The following KIRREL3 variants were observed in gnomAD, a reference collection of about 807,000 sequenced individuals.
KIRREL3 encodes kin of IRRE-like protein 3.
A neutral mutation model predicts 89.7 loss-of-function variants in KIRREL3; 36 were observed. The ratio of observed to expected loss-of-function variants is 0.40; its 90% CI spans 0.31 to 0.53. The LOEUF (loss-of-function observed/expected upper bound fraction) is 0.53. KIRREL3 is among the 20% of genes least tolerant of loss of function. The probability of loss-of-function intolerance (pLI) is 0.49; values close to 1 mark genes in which losing one functional copy is unlikely to be tolerated. For missense variants in KIRREL3, 864 were observed against 1,056.6 expected (o/e 0.82, Z 2.53); for synonymous variants, 445 against 441.4 (o/e 1.01, Z -0.10).
At position 126,431,443 on chromosome 11, in the gene KIRREL3, A is replaced by T. The variant is rs759576435; in HGVS notation, c.1672T>A (p.Phe558Ile). The T allele has an allele frequency of 6.2e-7, 1 of 1,613,958 alleles. No individual in the cohort carries two copies. The highest frequency in any genetic ancestry group is 1.1e-5 in the South Asian group (1 of 91,082). Reference protein sequence around the residue: ...FLVLMATIVAFCCARSQRNLK... With the variant: ...FLVLMATIVAICCARSQRNLK... ...CTTCTCTGGGAACGGGCACAGCAGA[A>T]CGCCACGATGGTTGCCATAAGGACG... The change falls in exon 14 of 17, where the codon TTC (phenylalanine) becomes ATC (isoleucine). Residue 558 changes from phenylalanine to isoleucine, a missense_variant. Physicochemically the swap from Phe to Ile is conservative, Grantham distance 21. Coordinates refer to ENST00000525144, the MANE Select transcript of KIRREL3 (RefSeq NM_032531.4). The surrounding 1 kb of genome is among the most constrained non-coding windows in gnomAD (Gnocchi z 7.1).
chr11:126,902,920 T>G (rs186021770), intron 1 of KIRREL3, among the ~76,000 whole-genome samples: 2 of 152,328 alleles, frequency 1.3e-5, no homozygotes, highest in South Asian at 2.1e-4. Context: ...GAGATCCAGA[T>G]AGCAAAATGC....
At position 126,463,372 on chromosome 11, in the gene KIRREL3, TG is replaced by T. The variant is rs1219280719; in HGVS notation, c.592-66del. 8.5e-6 allele frequency: 13 copies of T among 1,533,614 alleles called. No individual in the cohort carries two copies. The highest frequency in any genetic ancestry group is 1.8e-5 in the Admixed American group (1 of 55,204). ...CTTGGCTGGGGTGGCCAGCCTGGGT[TG>T]GGGGTAAACGAGCACCAGCTTAGAC... is the stretch of plus-strand genomic sequence containing the variant. On this transcript the variant is annotated intron_variant, in intron 5 of 16. Coordinates refer to ENST00000525144, the MANE Select transcript of KIRREL3 (RefSeq NM_032531.4). This position sits in a 1 kb window ranked among gnomAD's most constrained non-coding sequence, Gnocchi z 5.9.
Position 126,724,005 on chromosome 11 carries a change from C to A in KIRREL3, c.56-161093G>T, listed in dbSNP as rs1168586464. Reference sequence around the variant, plus strand: ...CCATGATGATTAAAAGAAGTGTAGGCAGCTCCAAGGCCACACATGAAAAGA... The same window carrying A: ...CCATGATGATTAAAAGAAGTGTAGGAAGCTCCAAGGCCACACATGAAAAGA... On this transcript the variant is annotated intron_variant, in intron 1 of 16. Transcript: ENST00000525144. This position sits in a 1 kb window ranked among gnomAD's most constrained non-coding sequence, Gnocchi z 4.3. Among the ~76,000 whole-genome samples, 2 of 152,172 alleles carry A rather than the reference C, an allele frequency of 1.3e-5. No individual in the cohort carries two copies. Among genetic ancestry groups the A allele is most frequent in the African/African-American group, 4.8e-5 (2 of 41,434 alleles).
rs1053566179 is a variant in KIRREL3 at position 126,817,407 on chromosome 11, C to T, written c.55+183048G>A. The stretch of plus-strand genomic sequence containing the variant: ...TAGCTGGCATGCTGGCCATGGGATG[C>T]GAGTGACTGAGGGCTTCAGCTTCCT... On this transcript the variant is annotated intron_variant, in intron 1 of 16. Transcript: ENST00000525144. The surrounding 1 kb of genome is among the most constrained non-coding windows in gnomAD (Gnocchi z 5.7). 3.9e-5 allele frequency among the ~76,000 whole-genome samples: 6 copies of T among 152,124 alleles called. No individual in the cohort carries two copies. Among genetic ancestry groups the T allele is most frequent in the Non-Finnish European group, 7.4e-5 (5 of 68,026 alleles).
At chr11:126,753,733 A>C (rs931894551) in intron 1 of KIRREL3, among the ~76,000 whole-genome samples, 4 of 152,170 alleles carry the variant, frequency 2.6e-5, no homozygotes, top group Non-Finnish European at 4.4e-5. Context: ...TCCCATCCCC[A>C]GTTCTCCGTA....
Position 126,765,398 on chromosome 11 carries a change from C to T in KIRREL3, c.56-202486G>A, listed in dbSNP as rs148414117. Among the ~76,000 whole-genome samples, 65 of 152,240 alleles carry T rather than the reference C, an allele frequency of 4.3e-4. 1 individual carries two copies. In the East Asian group the frequency reaches 9.7e-3, roughly 23 times the overall value. On this transcript the variant is annotated intron_variant, in intron 1 of 16. Transcript: ENST00000525144. Reference sequence around the variant, plus strand: ...TGTGTGTGCGGGGAGAAATCTAAAACGAAACCAGCAACCCACTGCCATGCC... The same window carrying T: ...TGTGTGTGCGGGGAGAAATCTAAAATGAAACCAGCAACCCACTGCCATGCC...
Position 126,776,550 on chromosome 11 carries a change from G to T in KIRREL3, c.56-213638C>A, listed in dbSNP as rs1950174702. Among the ~76,000 whole-genome samples the T allele has an allele frequency of 6.6e-6, 1 of 152,196 alleles. No homozygotes were observed. The highest frequency in any genetic ancestry group is 1.5e-5 in the Non-Finnish European group (1 of 68,040). On this transcript the variant is annotated intron_variant, in intron 1 of 16. Coordinates refer to ENST00000525144, the MANE Select transcript of KIRREL3 (RefSeq NM_032531.4). The surrounding 1 kb of genome is among the most constrained non-coding windows in gnomAD (Gnocchi z 4.7). The stretch of plus-strand genomic sequence containing the variant: ...TGTCAGAGCCGTCGGTAGGGTTAAT[G>T]CAGGTCCCTTAAGAGAGATTGAGTC...
intron 1 of KIRREL3, among the ~76,000 whole-genome samples, chr11:126,866,941 C>T (rs1238852670): frequency 2.0e-5 from 3 of 152,180 alleles, no homozygotes; most frequent in Admixed American, 6.5e-5. Context: ...CACATGGGAT[C>T]TGATTTTTCC....
chr11:126,980,582 C>G (rs1471532084), intron 1 of KIRREL3, among the ~76,000 whole-genome samples: 1 of 151,948 alleles, frequency 6.6e-6, no homozygotes, highest in Non-Finnish European at 1.5e-5. Flanking sequence ...TTTTGGAGAA[C>G]ATGAGTAGGG....
chr11:126,501,810 TTG>T lies in KIRREL3; in HGVS notation c.433+19503_433+19504del, dbSNP rs1290027511. Among the ~76,000 whole-genome samples, 11 of 152,090 alleles carry T rather than the reference TTG, an allele frequency of 7.2e-5. No homozygotes were observed. Among genetic ancestry groups the T allele is most frequent in the Non-Finnish European group, 1.5e-4 (10 of 68,006 alleles). On this transcript the variant is annotated intron_variant, in intron 4 of 16. Transcript: ENST00000525144. This position sits in a 1 kb window ranked among gnomAD's most constrained non-coding sequence, Gnocchi z 5.8. ...GTTCCTAGTTCAACCCCCACCCACA[TTG>T]TGAGCTCCCTGAAGGCAGGTCCATG...
intron 1 of KIRREL3, among the ~76,000 whole-genome samples, chr11:126,618,636 T>C (rs1032969768): frequency 6.6e-6 from 1 of 152,210 alleles, no homozygotes; most frequent in Non-Finnish European, 1.5e-5. Flanking sequence ...GGTTGCGCCA[T>C]GTTGGCCAGG....
Position 126,985,331 on chromosome 11 carries a change from C to T in KIRREL3, c.55+15124G>A, listed in dbSNP as rs1001731776. Among the ~76,000 whole-genome samples the T allele has an allele frequency of 5.9e-5, 9 of 152,156 alleles. No individual in the cohort carries two copies. Among genetic ancestry groups the T allele is most frequent in the East Asian group, 1.9e-4 (1 of 5,162 alleles). Reference sequence around the variant, plus strand: ...GCCCAAGTCCAACAAAGCCACTGCACGGTAGATGGAGGTGAGAAGGACCCA... The same window carrying T: ...GCCCAAGTCCAACAAAGCCACTGCATGGTAGATGGAGGTGAGAAGGACCCA... On this transcript the variant is annotated intron_variant, in intron 1 of 16. Transcript: ENST00000525144. The surrounding 1 kb of genome is among the most constrained non-coding windows in gnomAD (Gnocchi z 5.3).
At chr11:126,979,188 C>T (rs1201863595) in intron 1 of KIRREL3, among the ~76,000 whole-genome samples, 3 of 152,210 alleles carry the variant, frequency 2.0e-5, no homozygotes, top group African/African-American at 7.2e-5. Flanking sequence ...CAGACCACAT[C>T]TGCCTTTGGG....
At chr11:126,790,764 T>TG (rs1950614450) in intron 1 of KIRREL3, among the ~76,000 whole-genome samples, 1 of 152,066 alleles carries the variant, frequency 6.6e-6, no homozygotes, top group African/African-American at 2.4e-5. Context: ...TGGGAGTGAC[T>TG]GGAGCTCGGC....
intron 4 of KIRREL3, among the ~76,000 whole-genome samples, chr11:126,503,880 T>A (rs1957941439): frequency 6.6e-6 from 1 of 151,544 alleles, no homozygotes; most frequent in Non-Finnish European, 1.5e-5. Flanking sequence ...CCTCTCCCTC[T>A]TTCTCCCATG....
rs1942967914 is a variant in KIRREL3 at position 126,608,196 on chromosome 11, G to A, written c.56-45284C>T. Among the ~76,000 whole-genome samples, 1 of 152,212 alleles carries A rather than the reference G, an allele frequency of 6.6e-6. No homozygotes were observed. The highest frequency in any genetic ancestry group is 6.5e-5 in the Admixed American group (1 of 15,286). ...GGCGGGCCATGGTGGGCCAGGACAG[G>A]TGGGAGAGAAAAGCAGGAGGCAGCT... On this transcript the variant is annotated intron_variant, in intron 1 of 16. Transcript: ENST00000525144. The surrounding 1 kb of genome is among the most constrained non-coding windows in gnomAD (Gnocchi z 4.9).
Position 126,983,719 on chromosome 11 carries a change from ATGCCAGCCCG to A in KIRREL3, c.55+16726_55+16735del, listed in dbSNP as rs1398082193. ...AAAGAAACAGCCCTGCAGCACCTGG[ATGCCAGCCCG>A]TGAGATCCATTCTAGACCTCTGACC... is the stretch of plus-strand genomic sequence containing the variant. On this transcript the variant is annotated intron_variant, in intron 1 of 16. Coordinates refer to ENST00000525144, the MANE Select transcript of KIRREL3 (RefSeq NM_032531.4). The surrounding 1 kb of genome is among the most constrained non-coding windows in gnomAD (Gnocchi z 4.9). 6.6e-6 allele frequency among the ~76,000 whole-genome samples: 1 copy of A among 152,194 alleles called. No homozygotes were observed. Among genetic ancestry groups the A allele is most frequent in the Non-Finnish European group, 1.5e-5 (1 of 68,028 alleles).
chr11:126,568,637 C>G lies in KIRREL3; in HGVS notation c.56-5725G>C, dbSNP rs1274612651. ...GGCTGGAGCCATGCTCCAGCACTTA[C>G]CAGTGAGCAACTCTTAGGCTTCTCT... On this transcript the variant is annotated intron_variant, in intron 1 of 16. Transcript: ENST00000525144. The surrounding 1 kb of genome is among the most constrained non-coding windows in gnomAD (Gnocchi z 4.6). 9.9e-5 allele frequency among the ~76,000 whole-genome samples: 15 copies of G among 152,164 alleles called. No individual in the cohort carries two copies.
intron 4 of KIRREL3, among the ~76,000 whole-genome samples, chr11:126,481,848 T>C (rs1957225927): frequency 6.6e-6 from 1 of 152,214 alleles, no homozygotes. Context: ...GTGCTGAATG[T>C]CTAGCATTCC....
Sources: allele counts gnomAD v4.1 joint callset (sites outside exome capture counted in the v4.1 genomes callset), GRCh38; gene constraint gnomAD v4.1.1; non-coding constraint Gnocchi (gnomAD v3.1); transcripts MANE v1.5; gene names NCBI Gene and HGNC (gene_info 2026-07-23, HGNC 2026-07-21).